MACROD2: variants seen among roughly 807,000 people sequenced by gnomAD.
MACROD2 encodes the protein mono-ADP ribosylhydrolase 2.
MACROD2 carries 36 observed loss-of-function variants against 70.4 expected under a neutral mutation model. That is an observed-to-expected ratio of 0.51 (90% CI 0.39 to 0.68). The LOEUF (loss-of-function observed/expected upper bound fraction) is 0.68. Among genes scored for constraint, MACROD2 ranks in the 30% least tolerant of loss-of-function variants. The pLI, the probability that MACROD2 is intolerant of heterozygous loss-of-function variation, is 0.00. For missense variants in MACROD2, 496 were observed against 538.4 expected (o/e 0.92, Z 0.78); for synonymous variants, 172 against 178.8 (o/e 0.96, Z 0.30).
At chr20:14,315,589 T>C (rs752371424) in intron 3 of MACROD2, among the ~76,000 whole-genome samples, 1 of 152,142 alleles carries the variant, frequency 6.6e-6, no homozygotes, top group Non-Finnish European at 1.5e-5. Flanking sequence ...ATATATTAGA[T>C]AATAACAAAG....
chr20:15,435,125 A>T (rs1568805945), intron 7 of MACROD2, among the ~76,000 whole-genome samples: 1 of 152,082 alleles, frequency 6.6e-6, no homozygotes, highest in African/African-American at 2.4e-5. Flanking sequence ...CCACCAAAGA[A>T]TTTTTGCATG....
chr20:15,363,157 G>A (rs1326688127), intron 6 of MACROD2, among the ~76,000 whole-genome samples: 1 of 152,058 alleles, frequency 6.6e-6, no homozygotes, highest in African/African-American at 2.4e-5. Context: ...CTTTTTCTTT[G>A]TAAAGCTGGG....
At chr20:14,367,403 A>G (rs991261310) in intron 3 of MACROD2, among the ~76,000 whole-genome samples, 2 of 152,158 alleles carry the variant, frequency 1.3e-5, no homozygotes, top group African/African-American at 2.4e-5. Context: ...GTTGCTGCCT[A>G]GTATCCTTTT....
At chr20:15,875,133 A>G (rs1355416264) in intron 9 of MACROD2, among the ~76,000 whole-genome samples, 1 of 152,172 alleles carries the variant, frequency 6.6e-6, no homozygotes, top group Non-Finnish European at 1.5e-5. Flanking sequence ...AGCCTAGCTG[A>G]TATGTTGATT....
chr20:14,553,011 A>C (rs1025046479), intron 4 of MACROD2, among the ~76,000 whole-genome samples: 1 of 152,088 alleles, frequency 6.6e-6, no homozygotes, highest in Admixed American at 6.6e-5. Flanking sequence ...ATAATAAATT[A>C]ACTATAGCTT....
intron 4 of MACROD2, among the ~76,000 whole-genome samples, chr20:14,682,862 A>C (rs1202011294): frequency 6.6e-6 from 1 of 152,168 alleles, no homozygotes; most frequent in Admixed American, 6.5e-5. Flanking sequence ...TCTTTGTAAG[A>C]GAAAAAACTT....
chr20:15,296,281 AT>A (rs1242857309), intron 6 of MACROD2, among the ~76,000 whole-genome samples: 1 of 152,214 alleles, frequency 6.6e-6, no homozygotes, highest in Non-Finnish European at 1.5e-5. Context: ...CTTTTTCAAC[AT>A]AAAAATTAGA....
At chr20:14,799,151 C>T (rs994014422) in intron 5 of MACROD2, among the ~76,000 whole-genome samples, 6 of 151,872 alleles carry the variant, frequency 4.0e-5, no homozygotes, top group Non-Finnish European at 7.4e-5. Flanking sequence ...AATACAATAA[C>T]TTAATACTAT....
rs543054515 is a variant in MACROD2 at position 14,423,657 on chromosome 20, C to G, written c.272-69822C>G. On this transcript the variant is annotated intron_variant, in intron 3 of 17. Transcript: ENST00000684519. ...GGAGCTTGCGTTGAGCTGAGATCGC[C>G]TCACTGCACTCCAGCCTGGACGACA... Among the ~76,000 whole-genome samples the G allele has an allele frequency of 2.6e-3, 367 of 143,136 alleles. 2 individuals are homozygous for G. The highest frequency in any genetic ancestry group is 0.011 in the Admixed American group (158 of 14,206). The allele number at this position is 143,136 out of a possible 152,430, so 93.9% of individuals were successfully genotyped here. A position where few individuals can be genotyped will look rare whatever the true frequency, so the allele number is the denominator to read the frequency against.
chr20:15,608,462 G>T (rs1466403622), intron 8 of MACROD2, among the ~76,000 whole-genome samples: 3 of 152,150 alleles, frequency 2.0e-5, no homozygotes, highest in Admixed American at 1.3e-4. Context: ...AGGAGCACAC[G>T]TGCAAAGACC....
intron 10 of MACROD2, among the ~76,000 whole-genome samples, chr20:15,921,493 A>G (rs1020863321): frequency 6.6e-6 from 1 of 152,186 alleles, no homozygotes; most frequent in Non-Finnish European, 1.5e-5. Flanking sequence ...TGGAGCGATC[A>G]TCCCTCTCTC....
intron 6 of MACROD2, among the ~76,000 whole-genome samples, chr20:15,382,048 G>A (rs573834596): frequency 7.0e-4 from 107 of 152,266 alleles, no homozygotes; most frequent in African/African-American, 2.5e-3. Context: ...GCTTTGAACC[G>A]CTGAAAGAGG....
At chr20:14,602,816 A>G (rs1362592263) in intron 4 of MACROD2, among the ~76,000 whole-genome samples, 1 of 152,202 alleles carries the variant, frequency 6.6e-6, no homozygotes, top group Non-Finnish European at 1.5e-5. Flanking sequence ...CTTCTTGCTG[A>G]ATTAATTTAA....
chr20:15,574,655 A>C (rs1002121474), intron 8 of MACROD2, among the ~76,000 whole-genome samples: 3 of 152,170 alleles, frequency 2.0e-5, no homozygotes, highest in Non-Finnish European at 4.4e-5. Context: ...CTTGGACTTC[A>C]TTGCATCAAT....
intron 3 of MACROD2, among the ~76,000 whole-genome samples, chr20:14,405,464 A>C (rs1453501788): frequency 6.6e-6 from 1 of 152,138 alleles, no homozygotes; most frequent in Non-Finnish European, 1.5e-5. Context: ...AACAAAGAGG[A>C]TTTAAGAATC....
chr20:15,811,515 T>A (rs1029932236), intron 8 of MACROD2, among the ~76,000 whole-genome samples: 13 of 152,232 alleles, frequency 8.5e-5, no homozygotes, highest in Non-Finnish European at 1.5e-4. Flanking sequence ...TCCTATTTAA[T>A]TTTCTTTATA....
chr20:15,356,126 C>G (rs1306895508), intron 6 of MACROD2, among the ~76,000 whole-genome samples: 1 of 152,018 alleles, frequency 6.6e-6, no homozygotes, highest in African/African-American at 2.4e-5. Context: ...TTGGATTTAG[C>G]CCAGATATCA....
rs539154146 is a variant in MACROD2 at position 15,041,017 on chromosome 20, G to A, written c.419-188923G>A. ...AACTCACTTTTTGGTGGAAATACTTGCAATTCAACTAATTTACTGGTATGA... is the reference window on the plus strand; with the variant it reads ...AACTCACTTTTTGGTGGAAATACTTACAATTCAACTAATTTACTGGTATGA... On this transcript the variant is annotated intron_variant, in intron 5 of 17. Transcript: ENST00000684519. Among the ~76,000 whole-genome samples the A allele has an allele frequency of 1.5e-3, 231 of 152,194 alleles. 1 individual carries two copies. The highest frequency in any genetic ancestry group is 2.9e-3 in the Non-Finnish European group (198 of 68,002).
chr20:14,297,155 G>T (rs2082434633), intron 3 of MACROD2, among the ~76,000 whole-genome samples: 1 of 151,688 alleles, frequency 6.6e-6, no homozygotes, highest in Admixed American at 6.6e-5. Context: ...CCACTGACTG[G>T]CTGTTTCCCC....
Sources: gnomAD v4.1 joint callset for allele counts (sites outside exome capture counted in the v4.1 genomes callset) on GRCh38, gnomAD v4.1.1 for gene constraint, MANE v1.5 for transcripts, NCBI Gene and HGNC (gene_info 2026-07-23, HGNC 2026-07-21) for gene names.